The following GREM2 variants were observed in gnomAD, a reference collection of about 807,000 sequenced individuals.
The protein encoded by GREM2 is gremlin 2, DAN family BMP antagonist.
Under a neutral mutation model 14.2 loss-of-function variants are expected in GREM2, and 11 were observed. The ratio of observed to expected loss-of-function variants is 0.78; its 90% CI spans 0.49 to 1.28. The LOEUF (loss-of-function observed/expected upper bound fraction) is 1.28. GREM2 is among the 50% of genes most tolerant of loss of function. The pLI is 0.00. For missense variants in GREM2, 210 were observed against 218.5 expected (o/e 0.96, Z 0.24); for synonymous variants, 98 against 97.6 (o/e 1.00, Z -0.02).
At chr1:240,589,953 T>A (rs1454529122) in intron 1 of GREM2, among the ~76,000 whole-genome samples, 1 of 152,090 alleles carries the variant, frequency 6.6e-6, no homozygotes, top group Non-Finnish European at 1.5e-5. Flanking sequence ...AGGACCAGCA[T>A]GAGCCTAGAA....
chr1:240,603,453 G>A (rs1464742267), intron 1 of GREM2, among the ~76,000 whole-genome samples: 2 of 151,906 alleles, frequency 1.3e-5, no homozygotes, highest in East Asian at 3.9e-4. Context: ...CTCCATATCT[G>A]AGGCATGGCT....
chr1:240,601,591 A>T (rs1461115548), intron 1 of GREM2, among the ~76,000 whole-genome samples: 1 of 152,126 alleles, frequency 6.6e-6, no homozygotes, highest in Non-Finnish European at 1.5e-5. Context: ...CCTCAAAAAG[A>T]TGTTACAAAA....
At chr1:240,532,977 G>A (rs528549158) in intron 1 of GREM2, among the ~76,000 whole-genome samples, 12 of 152,206 alleles carry the variant, frequency 7.9e-5, no homozygotes, top group East Asian at 5.8e-4. Context: ...CATTCAACCC[G>A]TAACAAGCAA....
chr1:240,495,618 A>G (rs1677394920), intron 1 of GREM2, among the ~76,000 whole-genome samples: 1 of 152,174 alleles, frequency 6.6e-6, no homozygotes, highest in Non-Finnish European at 1.5e-5. Flanking sequence ...ATGGATGAGG[A>G]CACTAAGGCA....
intron 1 of GREM2, among the ~76,000 whole-genome samples, chr1:240,520,422 C>T (rs553609984): frequency 6.6e-6 from 1 of 152,298 alleles, no homozygotes; most frequent in Non-Finnish European, 1.5e-5. Context: ...GGCTTTGGGA[C>T]AGTGTGAGTG....
chr1:240,554,266 C>G (rs1220105871), intron 1 of GREM2, among the ~76,000 whole-genome samples: 1 of 151,742 alleles, frequency 6.6e-6, no homozygotes, highest in Non-Finnish European at 1.5e-5. Context: ...CAAAAATTAG[C>G]CGGGTGTGGT....
chr1:240,571,261 T>C (rs1282033239), intron 1 of GREM2, among the ~76,000 whole-genome samples: 2 of 152,164 alleles, frequency 1.3e-5, no homozygotes, highest in African/African-American at 2.4e-5. Context: ...AGTCTATACA[T>C]CTAGGTTTAT....
At chr1:240,610,666 G>A (rs752617630) in intron 1 of GREM2, among the ~76,000 whole-genome samples, 7 of 152,194 alleles carry the variant, frequency 4.6e-5, no homozygotes, top group Admixed American at 1.3e-4. Flanking sequence ...AGTCGATTGC[G>A]AATTATCAGT....
intron 1 of GREM2, among the ~76,000 whole-genome samples, chr1:240,507,027 G>A (rs1472651012): frequency 6.6e-6 from 1 of 152,232 alleles, no homozygotes; most frequent in Non-Finnish European, 1.5e-5. Flanking sequence ...TGGAGCCGGG[G>A]CTGGTATTCA....
intron 1 of GREM2, among the ~76,000 whole-genome samples, chr1:240,505,064 T>C (rs1433855626): frequency 6.6e-6 from 1 of 152,166 alleles, no homozygotes; most frequent in Admixed American, 6.6e-5. Flanking sequence ...AGTGCTGTGC[T>C]CATGATAGAG....
chr1:240,506,515 A>G lies in GREM2; in HGVS notation c.-1-13039T>C, dbSNP rs545941141. Among the ~76,000 whole-genome samples, 3 of 152,292 alleles carry G rather than the reference A, an allele frequency of 2.0e-5. No individual in the cohort carries two copies. In the South Asian group the frequency reaches 6.2e-4, roughly 32 times the overall value. On this transcript the variant is annotated intron_variant, in intron 1 of 1. Coordinates refer to ENST00000318160, the MANE Select transcript of GREM2 (RefSeq NM_022469.4). The stretch of plus-strand genomic sequence containing the variant: ...CAAATTCAAGGCTCTCGACCAAGGA[A>G]AACAAACATAATCAGAAACAATCAA...
intron 1 of GREM2, among the ~76,000 whole-genome samples, chr1:240,575,112 A>G (rs1679336536): frequency 6.6e-6 from 1 of 152,018 alleles, no homozygotes; most frequent in Admixed American, 6.5e-5. Context: ...GTCTCCAAAA[A>G]AAAAATAATA....
intron 1 of GREM2, among the ~76,000 whole-genome samples, chr1:240,610,686 G>A (rs1208613631): frequency 6.6e-6 from 1 of 152,194 alleles, no homozygotes; most frequent in Non-Finnish European, 1.5e-5. Context: ...TGAATGGTTT[G>A]GATATGATCG....
At position 240,547,296 on chromosome 1, in the gene GREM2, C is replaced by G. The variant is rs532887993; in HGVS notation, c.-1-53820G>C. Among the ~76,000 whole-genome samples, 369 of 151,746 alleles carry G rather than the reference C, an allele frequency of 2.4e-3. 2 individuals carry two copies. The highest frequency in any genetic ancestry group is 4.3e-3 in the Non-Finnish European group (295 of 67,922). On this transcript the variant is annotated intron_variant, in intron 1 of 1. Transcript: ENST00000318160. ...TGGGCGGATCACGAGGGCAGGAGAT[C>G]AAGACCATCCTGGCTAACACTGCGA...
At chr1:240,508,934 G>A (rs1677738530) in intron 1 of GREM2, among the ~76,000 whole-genome samples, 1 of 152,154 alleles carries the variant, frequency 6.6e-6, no homozygotes, top group South Asian at 2.1e-4. Context: ...AATTATTTGG[G>A]CTCTGGTCCA....
In GREM2 at chr1:240,495,057, A is replaced by G. The variant is rs572461963; in HGVS notation, c.-1-1581T>C. ...AGAAATTATTCTCATGCTATCTAAA[A>G]CGTGGCTTGCAGGGCACAAGCCAAA... On this transcript the variant is annotated intron_variant, in intron 1 of 1. Transcript: ENST00000318160. 5.3e-5 allele frequency among the ~76,000 whole-genome samples: 8 copies of G among 152,372 alleles called. No individual in the cohort carries two copies. The East Asian group carries it at 1.5e-3, about 29-fold the overall frequency.
intron 1 of GREM2, among the ~76,000 whole-genome samples, chr1:240,511,578 C>G (rs914241604): frequency 6.6e-5 from 10 of 152,136 alleles, no homozygotes; most frequent in African/African-American, 2.4e-4. Flanking sequence ...CGGTGAAACC[C>G]CGTCACTACT....
chr1:240,531,132 C>G (rs1442777410), intron 1 of GREM2, among the ~76,000 whole-genome samples: 1 of 152,164 alleles, frequency 6.6e-6, no homozygotes, highest in East Asian at 1.9e-4. Flanking sequence ...CTCCCTTAAC[C>G]AAGGAAGACT....
At chr1:240,529,003 G>A (rs1678291522) in intron 1 of GREM2, among the ~76,000 whole-genome samples, 1 of 152,080 alleles carries the variant, frequency 6.6e-6, no homozygotes, top group Non-Finnish European at 1.5e-5. Flanking sequence ...GGTGGAACAC[G>A]ATCAAAACTG....
Sources: allele counts gnomAD v4.1 joint callset (sites outside exome capture counted in the v4.1 genomes callset), GRCh38; gene constraint gnomAD v4.1.1; transcripts MANE v1.5; gene names NCBI Gene and HGNC (gene_info 2026-07-23, HGNC 2026-07-21).